KIAA0586: variants seen among roughly 807,000 people sequenced by gnomAD.
The protein encoded by KIAA0586 is KIAA0586.
In KIAA0586, 144 loss-of-function variants were observed where a neutral mutation model predicts 169.8. That is an observed-to-expected ratio of 0.85 (90% CI 0.74 to 0.97). The LOEUF (loss-of-function observed/expected upper bound fraction) is 0.97, where lower values mean the gene tolerates loss of function less well. Ranked by LOEUF, KIAA0586 falls within the 50% of genes least tolerant of loss-of-function variation. The pLI is 0.00. For missense variants in KIAA0586, 1,854 were observed against 1,823.0 expected (o/e 1.02, Z -0.31); for synonymous variants, 625 against 612.4 (o/e 1.02, Z -0.30).
At chr14:58,480,560 G>A (rs2041963394) in intron 20 of KIAA0586, among the ~76,000 whole-genome samples, 1 of 152,034 alleles carries the variant, frequency 6.6e-6, no homozygotes, top group East Asian at 1.9e-4. Flanking sequence ...TGAATATTGT[G>A]CTTGATGCTC....
intron 26 of KIAA0586, among the ~76,000 whole-genome samples, chr14:58,494,950 CCATT>C (rs2043065303): frequency 1.3e-5 from 2 of 152,254 alleles, no homozygotes; most frequent in South Asian, 4.1e-4. Flanking sequence ...TGACTTTTCT[CCATT>C]CATTCCTCTC....
intron 6 of KIAA0586, among the ~76,000 whole-genome samples, chr14:58,447,264 T>C (rs2038971913): frequency 6.6e-6 from 1 of 152,124 alleles, no homozygotes; most frequent in South Asian, 2.1e-4. Flanking sequence ...TTTTAGGTTT[T>C]TCTTGGCCTG....
chr14:58,457,067 A>G (rs1424111363), intron 10 of KIAA0586, among the ~76,000 whole-genome samples: 1 of 152,170 alleles, frequency 6.6e-6, no homozygotes, highest in Non-Finnish European at 1.5e-5. Context: ...GAGGAAGGGG[A>G]AAAGAGACCT....
intron 6 of KIAA0586, among the ~76,000 whole-genome samples, chr14:58,445,084 C>A (rs1191236261): frequency 6.6e-6 from 1 of 151,104 alleles, no homozygotes; most frequent in Non-Finnish European, 1.5e-5. Flanking sequence ...CAGAGTGAGA[C>A]CCTATCTCAA....
rs61974523 is a variant in KIAA0586 at position 58,427,832 on chromosome 14, C to A, written c.-433C>A. On this transcript the variant is annotated 5_prime_UTR_variant, in exon 1 of 31. The change creates a new upstream start codon in the 5' untranslated region. Coordinates refer to ENST00000652326, the MANE Select transcript of KIAA0586 (RefSeq NM_001329943.3). ...TGGAGGGGTGTGTAAGACTCTGTGG[C>A]TGAAGAAAGCTATTACGCTTCTTAT... The A allele has an allele frequency of 7.0e-7, 1 of 1,433,304 alleles. No homozygotes were observed. The highest frequency in any genetic ancestry group is 9.1e-7 in the Non-Finnish European group (1 of 1,093,874). The allele number at this position is 1,433,304 out of a possible 1,614,324, so 88.8% of individuals were successfully genotyped here.
chr14:58,520,289 T>C (rs1748843685), intron 29 of KIAA0586, among the ~76,000 whole-genome samples: 1 of 152,192 alleles, frequency 6.6e-6, no homozygotes, highest in African/African-American at 2.4e-5. Flanking sequence ...CCCTTTCTAA[T>C]TCCAGAACAT....
At chr14:58,541,544 G>T (rs867207114) in intron 30 of KIAA0586, among the ~76,000 whole-genome samples, 2 of 152,084 alleles carry the variant, frequency 1.3e-5, no homozygotes, top group African/African-American at 4.8e-5. Flanking sequence ...TAACAGGAGA[G>T]GAACTAATAT....
chr14:58,453,454 A>T lies in KIAA0586; in HGVS notation c.1234A>T (p.Thr412Ser). Reference sequence around the variant, plus strand: ...ACTAACTAGGTCAAAAATAGGATGGACTCCTGAGAAAACAAACAGGTAAAA... The same window carrying T: ...ACTAACTAGGTCAAAAATAGGATGGTCTCCTGAGAAAACAAACAGGTAAAA... ...TSLTRSKIGW[T>S]PEKTNRFPSC... The change falls in exon 9 of 31, where the codon ACT (threonine) becomes TCT (serine). Residue 412 changes from threonine to serine, a missense_variant. By Grantham distance (58) the Thr-to-Ser change is moderately conservative (BLOSUM62 1). Coordinates refer to ENST00000652326, the MANE Select transcript of KIAA0586 (RefSeq NM_001329943.3). 3 of 1,514,796 alleles carry T rather than the reference A, an allele frequency of 2.0e-6. No individual in the cohort carries two copies. The highest frequency in any genetic ancestry group is 2.6e-6 in the Non-Finnish European group (3 of 1,134,412). 93.8% of individuals were successfully genotyped at this position (1,514,796 alleles called of 1,614,324 possible). A position where few individuals can be genotyped will look rare whatever the true frequency, so the allele number is the denominator to read the frequency against.
rs763929356 is a variant in KIAA0586 at position 58,467,933 on chromosome 14, G to T, written c.2442+11G>T. On this transcript the variant is annotated intron_variant, in intron 16 of 30. Coordinates refer to ENST00000652326, the MANE Select transcript of KIAA0586 (RefSeq NM_001329943.3). ...CAGCTTACTGTGCAGGTATGCCAGG[G>T]TGCATGAGTAGAAAATTTTAAGGAA... 5 of 1,550,942 alleles carry T rather than the reference G, an allele frequency of 3.2e-6. No homozygotes were observed. The highest frequency in any genetic ancestry group is 4.2e-5 in the Admixed American group (2 of 47,714).
At position 58,440,240 on chromosome 14, in the gene KIAA0586, C is replaced by T. The variant is rs1329338559; in HGVS notation, c.411-2466C>T. ...CATTTTAATAAACTGAGTGACCTTC[C>T]TTTCTTTCTGTCTTGCTTTGCTCTG... On this transcript the variant is annotated intron_variant, in intron 4 of 30. Coordinates refer to ENST00000652326, the MANE Select transcript of KIAA0586 (RefSeq NM_001329943.3). The T allele has an allele frequency of 2.8e-5, 12 of 432,074 alleles. No individual in the cohort carries two copies. In the East Asian group the frequency reaches 9.6e-4, roughly 35 times the overall value. The allele number at this position is 432,074 out of a possible 1,614,324, so 26.8% of individuals were successfully genotyped here.
chr14:58,433,381 A>G (rs1450759159), intron 4 of KIAA0586: 1 of 152,144 alleles, frequency 6.6e-6, no homozygotes, highest in Non-Finnish European at 1.5e-5. Context: ...GTTTGTTTTA[A>G]TCTACAGATT....
chr14:58,488,596 T>A (rs2042628187), intron 23 of KIAA0586, 25 bp from the exon 24 acceptor site: 3 of 1,611,084 alleles, frequency 1.9e-6, no homozygotes, highest in Non-Finnish European at 2.5e-6. Context: ...CCTAACAAGC[T>A]CCAAATATGT....
downstream of KIAA0586, among the ~76,000 whole-genome samples, chr14:58,553,535 G>GT (rs2047229267): frequency 5.5e-5 from 7 of 127,152 alleles, no homozygotes; most frequent in Admixed American, 5.3e-4. Flanking sequence ...AAAATATCTG[G>GT]GTTTTTTTTT....
At chr14:58,503,851 T>C (rs1437205006) in intron 27 of KIAA0586, among the ~76,000 whole-genome samples, 1 of 149,232 alleles carries the variant, frequency 6.7e-6, no homozygotes, top group African/African-American at 2.5e-5. Flanking sequence ...GGAAATGCAG[T>C]GTTTTTGTCA....
chr14:58,458,010 A>G (rs747777453), intron 11 of KIAA0586, 31 bp downstream of exon 11: 2 of 1,403,418 alleles, frequency 1.4e-6, no homozygotes, highest in Admixed American at 2.0e-5. Flanking sequence ...AGGGTTATTT[A>G]TGAGTCTGTC....
intron 21 of KIAA0586, among the ~76,000 whole-genome samples, chr14:58,482,982 C>G (rs2042138894): frequency 6.6e-6 from 1 of 152,040 alleles, no homozygotes; most frequent in South Asian, 2.1e-4. Context: ...GTAACGTTTC[C>G]CCCAGCATTT....
intron 26 of KIAA0586, among the ~76,000 whole-genome samples, chr14:58,494,794 T>G (rs1326074441): frequency 1.3e-5 from 2 of 152,122 alleles, no homozygotes; most frequent in Admixed American, 6.6e-5. Context: ...CTGGACAGAT[T>G]TCATCTATAG....
chr14:58,492,279 C>G lies in KIAA0586; in HGVS notation c.3990+4C>G, dbSNP rs1397563708. On this transcript the variant is annotated splice_donor_region_variant and intron_variant, in intron 26 of 30. Transcript: ENST00000652326. Reference sequence around the variant, plus strand: ...GCAAGCAGTCTATCATTCAGAGGTACTTTTTAACTTTAATGACTTTTTTTT... The same window carrying G: ...GCAAGCAGTCTATCATTCAGAGGTAGTTTTTAACTTTAATGACTTTTTTTT... 6.5e-7 allele frequency: 1 copy of G among 1,535,020 alleles called. No individual in the cohort carries two copies. Among genetic ancestry groups the G allele is most frequent in the Non-Finnish European group, 8.8e-7 (1 of 1,142,582 alleles).
At chr14:58,509,989 A>G (rs959182794) in intron 28 of KIAA0586, among the ~76,000 whole-genome samples, 4 of 152,226 alleles carry the variant, frequency 2.6e-5, no homozygotes, top group Non-Finnish European at 5.9e-5. Flanking sequence ...CAATATTAAG[A>G]AAACAAACAA....
Sources: allele counts gnomAD v4.1 joint callset (sites outside exome capture counted in the v4.1 genomes callset), GRCh38; gene constraint gnomAD v4.1.1; transcripts MANE v1.5; gene names NCBI Gene and HGNC (gene_info 2026-07-23, HGNC 2026-07-21).